CDH13: variants seen among roughly 807,000 people sequenced by gnomAD.
The protein encoded by CDH13 is cadherin 13.
In CDH13, 24 loss-of-function variants were observed where a neutral mutation model predicts 63.8. The observed-to-expected ratio is 0.38, with a 90% CI of 0.27 to 0.53. CDH13 has a LOEUF of 0.53. CDH13 is among the 20% of genes least tolerant of loss of function. CDH13 has a pLI of 0.85. For missense variants in CDH13, 1,049 were observed against 903.1 expected (o/e 1.16, Z -2.07); for synonymous variants, 503 against 355.3 (o/e 1.42, Z -4.67).
chr16:83,038,613 C>G (rs1164215247), intron 3 of CDH13, among the ~76,000 whole-genome samples: 1 of 152,156 alleles, frequency 6.6e-6, no homozygotes, highest in Non-Finnish European at 1.5e-5. Flanking sequence ...CATGGCCCAA[C>G]AAGGATGAAA....
intron 1 of CDH13, among the ~76,000 whole-genome samples, chr16:82,834,045 A>T (rs576786596): frequency 6.6e-6 from 1 of 152,292 alleles, no homozygotes; most frequent in African/African-American, 2.4e-5. Context: ...AATTTTCTCA[A>T]TTCAGCGCTA....
At chr16:82,707,189 C>T (rs554345615) in intron 1 of CDH13, among the ~76,000 whole-genome samples, 1 of 152,324 alleles carries the variant, frequency 6.6e-6, no homozygotes, top group East Asian at 1.9e-4. Flanking sequence ...AACTAATTAA[C>T]ACCAATTCCA....
chr16:83,060,993 G>A (rs1350494788), intron 3 of CDH13, among the ~76,000 whole-genome samples: 1 of 152,218 alleles, frequency 6.6e-6, no homozygotes, highest in South Asian at 2.1e-4. Context: ...CACTCCTGCA[G>A]AGGGCCTGGC....
intron 1 of CDH13, among the ~76,000 whole-genome samples, chr16:82,678,665 C>T (rs1422451590): frequency 6.6e-6 from 1 of 152,152 alleles, no homozygotes; most frequent in Non-Finnish European, 1.5e-5. Context: ...TATATACCTA[C>T]TTCTGTGCAA....
At chr16:82,855,574 C>T (rs1394027306) in intron 1 of CDH13, among the ~76,000 whole-genome samples, 2 of 152,198 alleles carry the variant, frequency 1.3e-5, no homozygotes, top group African/African-American at 4.8e-5. Context: ...ATTTTTCTGA[C>T]TCCTGGATCT....
At chr16:83,346,034 C>G (rs1268946555) in intron 6 of CDH13, among the ~76,000 whole-genome samples, 1 of 152,142 alleles carries the variant, frequency 6.6e-6, no homozygotes, top group Non-Finnish European at 1.5e-5. Context: ...TGCAAGATGC[C>G]TAAAACCTCC....
chr16:82,955,286 AATC>A (rs1303662322), intron 2 of CDH13, among the ~76,000 whole-genome samples: 1 of 152,196 alleles, frequency 6.6e-6, no homozygotes, highest in Admixed American at 6.5e-5. Flanking sequence ...AAAGGAGAAA[AATC>A]AGCATCAGGC....
chr16:83,438,348 C>A (rs561196745), intron 6 of CDH13, among the ~76,000 whole-genome samples: 23 of 152,228 alleles, frequency 1.5e-4, no homozygotes, highest in Non-Finnish European at 2.8e-4. Flanking sequence ...TTGCCTAAAC[C>A]TAATGGCACC....
At chr16:83,101,167 AT>A (rs2034460073) in intron 3 of CDH13, among the ~76,000 whole-genome samples, 2 of 151,564 alleles carry the variant, frequency 1.3e-5, no homozygotes, top group African/African-American at 4.8e-5. Context: ...ATATATTTAT[AT>A]ATCATTTGTC....
In CDH13 at chr16:82,694,344, C is replaced by G. The variant is rs1047598712; in HGVS notation, c.45+67207C>G. On this transcript the variant is annotated intron_variant, in intron 1 of 13. Transcript: ENST00000567109. ...GTGACAGGCAGACTTTGGTATTTCA[C>G]CACCCCAACATTTTTTTATGGACTG... 3.3e-5 allele frequency among the ~76,000 whole-genome samples: 5 copies of G among 152,184 alleles called. No individual in the cohort carries two copies. In the South Asian group the frequency reaches 8.3e-4, roughly 25 times the overall value.
In CDH13 at chr16:82,627,014, C is replaced by G. The variant is rs1369668402; in HGVS notation, c.-79C>G. ...GGCGAGGCAGAGCCTCTCCTCAAAG[C>G]CTGGCTCCCACGGAAAATATGCTCA... On this transcript the variant is annotated 5_prime_UTR_variant, in exon 1 of 14. Coordinates refer to ENST00000567109, the MANE Select transcript of CDH13 (RefSeq NM_001257.5). 1.3e-6 allele frequency: 2 copies of G among 1,517,104 alleles called. No individual in the cohort carries two copies. The highest frequency in any genetic ancestry group is 1.2e-5 in the South Asian group (1 of 83,426). 94.0% of individuals were successfully genotyped at this position (1,517,104 alleles called of 1,614,324 possible).
rs76380009 is a variant in CDH13, at chr16:83,191,055, C to A, written c.484-26290C>A. 7.3e-3 allele frequency among the ~76,000 whole-genome samples: 1,103 copies of A among 151,344 alleles called. 12 individuals carry two copies. Among genetic ancestry groups the A allele is most frequent in the African/African-American group, 0.026 (1,061 of 41,158 alleles). On this transcript the variant is annotated intron_variant, in intron 4 of 13. Transcript: ENST00000567109. ...AATTGCTTTATGTAGTGATTCCGAG[C>A]AAAGGTCCAACTGGCAGAAAGGCTT...
intron 4 of CDH13, among the ~76,000 whole-genome samples, chr16:83,212,617 C>G (rs962274610): frequency 2.0e-5 from 3 of 152,014 alleles, no homozygotes; most frequent in Non-Finnish European, 4.4e-5. Context: ...GCAAACAGAC[C>G]CAGCCTATTT....
intron 2 of CDH13, among the ~76,000 whole-genome samples, chr16:83,017,656 A>G (rs934670806): frequency 6.6e-6 from 1 of 152,188 alleles, no homozygotes; most frequent in Non-Finnish European, 1.5e-5. Flanking sequence ...AATGGTAGGT[A>G]TTATATATGA....
chr16:82,672,410 G>A lies in CDH13; in HGVS notation c.45+45273G>A, dbSNP rs552474461. On this transcript the variant is annotated intron_variant, in intron 1 of 13. Coordinates refer to ENST00000567109, the MANE Select transcript of CDH13 (RefSeq NM_001257.5). Reference sequence around the variant, plus strand: ...ATGTATGCACCACCACCTTAAACTCGGTACATCTATCTAGGCCGTGATGAC... The same window carrying A: ...ATGTATGCACCACCACCTTAAACTCAGTACATCTATCTAGGCCGTGATGAC... 5.9e-5 allele frequency among the ~76,000 whole-genome samples: 9 copies of A among 151,966 alleles called. No homozygotes were observed. The East Asian group carries it at 1.2e-3, about 20-fold the overall frequency.
intron 1 of CDH13, among the ~76,000 whole-genome samples, chr16:82,800,394 G>A (rs527936684): frequency 2.4e-4 from 36 of 152,216 alleles, no homozygotes; most frequent in African/African-American, 7.7e-4. Context: ...TTCTCCTCAA[G>A]GAAGAGACCC....
intron 4 of CDH13, among the ~76,000 whole-genome samples, chr16:83,132,445 A>ACCCC (rs1187699429): frequency 9.0e-5 from 2 of 22,208 alleles, no homozygotes; most frequent in African/African-American, 1.9e-4. Context: ...ACCCCCCAAC[A>ACCCC]CCCCCCCCTT....
chr16:83,713,830 G>C (rs992515825), intron 10 of CDH13, among the ~76,000 whole-genome samples: 19 of 152,172 alleles, frequency 1.2e-4, no homozygotes, highest in Non-Finnish European at 2.9e-5. Context: ...CCGTCAGGGT[G>C]GGGCTATCAG....
rs147367588 is a variant in CDH13, at chr16:82,852,359, C to T, written c.46-6003C>T. On this transcript the variant is annotated intron_variant, in intron 1 of 13. Transcript: ENST00000567109. The stretch of plus-strand genomic sequence containing the variant: ...CGTTCCGTGGATGTGTCTTGTGGGG[C>T]GGTTCTCCCGAGTAACTGTCTTCTG... Among the ~76,000 whole-genome samples the T allele has an allele frequency of 9.8e-4, 149 of 152,276 alleles. 1 individual carries two copies. The highest frequency in any genetic ancestry group is 2.0e-3 in the Non-Finnish European group (135 of 68,016).
Sources: allele counts gnomAD v4.1 joint callset (sites outside exome capture counted in the v4.1 genomes callset), GRCh38; gene constraint gnomAD v4.1.1; transcripts MANE v1.5; gene names NCBI Gene and HGNC (gene_info 2026-07-23, HGNC 2026-07-21).